Variants in NEDD9 observed in about 807,000 individuals in gnomAD.
NEDD9 encodes enhancer of filamentation 1.
In NEDD9, 26 loss-of-function variants were observed where a neutral mutation model predicts 76.6. That is an observed-to-expected ratio of 0.34 (90% CI 0.25 to 0.47). The LOEUF (loss-of-function observed/expected upper bound fraction) is 0.47. Among genes scored for constraint, NEDD9 ranks in the 20% least tolerant of loss-of-function variants. The pLI is 1.00. For synonymous variants in NEDD9, 392 were observed against 414.2 expected, an observed-to-expected ratio of 0.95 and a Z score of 0.65; for missense variants, 937 against 1,058.5, an observed-to-expected ratio of 0.89 and a Z score of 1.59.
At chr6:11,335,817 C>T (rs894353913) in intron 1 of NEDD9, among the ~76,000 whole-genome samples, 5 of 152,116 alleles carry the variant, frequency 3.3e-5, no homozygotes, top group African/African-American at 1.2e-4. Context: ...ATTCACAGTC[C>T]CAAACCACAA....
rs1225749327 is a variant in NEDD9 at position 11,293,828 on chromosome 6, C to T, written c.12+12164G>A. On this transcript the variant is annotated intron_variant, in intron 3 of 3. Coordinates refer to the NEDD9 transcript ENST00000397378. Reference sequence around the variant, plus strand: ...CCAACCCCTGGTAAGCACAGTTCTACTTTCTGCTTCTATGAGTCTGTCTTT... The same window carrying T: ...CCAACCCCTGGTAAGCACAGTTCTATTTTCTGCTTCTATGAGTCTGTCTTT... Among the ~76,000 whole-genome samples, 4 of 152,154 alleles carry T rather than the reference C, an allele frequency of 2.6e-5. No individual in the cohort carries two copies. In the East Asian group the frequency reaches 7.7e-4, roughly 29 times the overall value.
At chr6:11,344,011 A>G (rs1762320548) in intron 1 of NEDD9, among the ~76,000 whole-genome samples, 1 of 152,202 alleles carries the variant, frequency 6.6e-6, no homozygotes, top group African/African-American at 2.4e-5. Flanking sequence ...GAATTAGGAT[A>G]AGGGGGAGAG....
chr6:11,294,004 TAA>T (rs1491316259), intron 3 of NEDD9, among the ~76,000 whole-genome samples: 1 of 43,604 alleles, frequency 2.3e-5, no homozygotes, highest in Non-Finnish European at 4.6e-5. Context: ...TTCCATTGTG[TAA>T]GTGTGTGTGT....
intron 3 of NEDD9, among the ~76,000 whole-genome samples, chr6:11,301,734 T>C (rs1761051218): frequency 6.6e-6 from 1 of 152,100 alleles, no homozygotes; most frequent in African/African-American, 2.4e-5. Context: ...CACAACTACA[T>C]GGAAACTGAA....
chr6:11,348,032 GA>G (rs1762396918), intron 1 of NEDD9, among the ~76,000 whole-genome samples: 1 of 152,280 alleles, frequency 6.6e-6, no homozygotes, highest in African/African-American at 2.4e-5. Context: ...CCTATAGCTA[GA>G]AAACCCCATA....
chr6:11,281,737 CT>C (rs1014566903), intron 3 of NEDD9, among the ~76,000 whole-genome samples: 1 of 152,024 alleles, frequency 6.6e-6, no homozygotes, highest in Non-Finnish European at 1.5e-5. Flanking sequence ...CAGGATTACT[CT>C]TTTTTTATAT....
At position 11,293,859 on chromosome 6, in the gene NEDD9, A is replaced by G. The variant is rs940676343; in HGVS notation, c.12+12133T>C. 2.6e-5 allele frequency among the ~76,000 whole-genome samples: 4 copies of G among 152,080 alleles called. No homozygotes were observed. In the South Asian group the frequency reaches 8.3e-4, roughly 32 times the overall value. On this transcript the variant is annotated intron_variant, in intron 3 of 3. Coordinates refer to the NEDD9 transcript ENST00000397378. ...GCTTCTATGAGTCTGTCTTTTTTAG[A>G]TGCCATATATAAAGTGAGATCATGT...
chr6:11,267,973 GC>G (rs1760231625), intron 3 of NEDD9, among the ~76,000 whole-genome samples: 1 of 152,188 alleles, frequency 6.6e-6, no homozygotes, highest in South Asian at 2.1e-4. Context: ...TTGGGCCTCA[GC>G]TTTGCTGGCT....
chr6:11,204,927 A>G (rs1055031455), intron 2 of NEDD9, among the ~76,000 whole-genome samples: 8 of 152,042 alleles, frequency 5.3e-5, no homozygotes, highest in East Asian at 1.9e-4. Flanking sequence ...TCCTTAATTC[A>G]GATTCCCTCA....
intron 1 of NEDD9, among the ~76,000 whole-genome samples, chr6:11,369,958 A>G (rs896396133): frequency 2.6e-5 from 4 of 152,220 alleles, no homozygotes; most frequent in African/African-American, 9.6e-5. Flanking sequence ...TCGAACTCAA[A>G]TAGGGAGTGT....
intron 1 of NEDD9, among the ~76,000 whole-genome samples, chr6:11,227,817 A>C (rs1470055021): frequency 6.6e-6 from 1 of 152,208 alleles, no homozygotes; most frequent in African/African-American, 2.4e-5. Flanking sequence ...GGTGAAAAGC[A>C]TAACAGCCTA....
chr6:11,365,964 C>T (rs1277198681), intron 1 of NEDD9, among the ~76,000 whole-genome samples: 1 of 149,088 alleles, frequency 6.7e-6, no homozygotes, highest in Non-Finnish European at 1.5e-5. Flanking sequence ...GCACTCCAGC[C>T]TGAGTGACAG....
At chr6:11,312,796 T>C (rs1291168631) in intron 2 of NEDD9, among the ~76,000 whole-genome samples, 1 of 151,642 alleles carries the variant, frequency 6.6e-6, no homozygotes, top group African/African-American at 2.4e-5. Flanking sequence ...TGGGGAGACG[T>C]AAAACAAGGT....
intron 1 of NEDD9, among the ~76,000 whole-genome samples, chr6:11,226,280 C>T (rs921355235): frequency 6.6e-6 from 1 of 152,048 alleles, no homozygotes; most frequent in Non-Finnish European, 1.5e-5. Flanking sequence ...TGTGTGTCCC[C>T]TTTTCATGCC....
intron 2 of NEDD9, among the ~76,000 whole-genome samples, chr6:11,315,070 TCTG>T (rs902538845): frequency 1.2e-4 from 19 of 152,174 alleles, no homozygotes; most frequent in African/African-American, 4.6e-4. Context: ...TTAGGGTAAT[TCTG>T]GGCCCAGGAT....
At chr6:11,269,363 T>C (rs1334747032) in intron 3 of NEDD9, among the ~76,000 whole-genome samples, 1 of 152,252 alleles carries the variant, frequency 6.6e-6, no homozygotes, top group African/African-American at 2.4e-5. Context: ...ACCTTTATTT[T>C]ACAACATTAT....
intron 3 of NEDD9, among the ~76,000 whole-genome samples, chr6:11,253,884 G>A (rs934977107): frequency 5.9e-5 from 9 of 152,216 alleles, no homozygotes; most frequent in South Asian, 4.1e-4. Context: ...AGTTGCACAC[G>A]TCTGGTCATT....
rs531315519 is a variant in NEDD9, at chr6:11,343,290, G to T, written c.-213-8729C>A. Among the ~76,000 whole-genome samples the T allele has an allele frequency of 2.0e-5, 3 of 152,242 alleles. No homozygotes were observed. In the East Asian group the frequency reaches 5.8e-4, roughly 29 times the overall value. ...TAAAAGTACAAAAAATTAGCTGGGT[G>T]TGGTGTCATGCGCCTGTAATCCCAG... On this transcript the variant is annotated intron_variant, in intron 1 of 3. Coordinates refer to the NEDD9 transcript ENST00000397378.
rs1172309162 is a variant in NEDD9 at position 11,349,935 on chromosome 6, AT to A, written c.-213-15375del. ...TGAACCTAAAATAAAAGTTAAAAAAATAATCCTTGGCCTATCTAGCTTAGAG... is the reference window on the plus strand; with the variant it reads ...TGAACCTAAAATAAAAGTTAAAAAAAAATCCTTGGCCTATCTAGCTTAGAG... On this transcript the variant is annotated intron_variant, in intron 1 of 3. Coordinates refer to the NEDD9 transcript ENST00000397378. Among the ~76,000 whole-genome samples the A allele has an allele frequency of 6.6e-5, 10 of 152,348 alleles. No individual in the cohort carries two copies. In the East Asian group the frequency reaches 1.4e-3, roughly 21 times the overall value.
Sources: gnomAD v4.1 joint callset for allele counts (sites outside exome capture counted in the v4.1 genomes callset) on GRCh38, gnomAD v4.1.1 for gene constraint, MANE v1.5 for transcripts, NCBI Gene and HGNC (gene_info 2026-07-23, HGNC 2026-07-21) for gene names.